The following ANKMY1 variants were observed in gnomAD, a reference collection of about 807,000 sequenced individuals.
The protein encoded by ANKMY1 is ankyrin repeat and MYND domain containing 1, also known as ankyrin repeat and MYND domain-containing protein 1.
Under a neutral mutation model 102.0 loss-of-function variants are expected in ANKMY1, and 98 were observed. That is an observed-to-expected ratio of 0.96 (90% CI 0.82 to 1.14). The LOEUF is 1.14. ANKMY1 is among the 50% of genes most tolerant of loss of function. The pLI is 0.00. For synonymous variants in ANKMY1, 582 were observed against 559.9 expected (o/e 1.04, Z -0.56); for missense variants, 1,330 against 1,347.6 (o/e 0.99, Z 0.20).
At chr2:240,518,341 T>G (rs912240013) in intron 9 of ANKMY1, among the ~76,000 whole-genome samples, 1 of 152,096 alleles carries the variant, frequency 6.6e-6, no homozygotes, top group Admixed American at 6.5e-5. Context: ...CATGCCTGCC[T>G]CTGGGACCAC....
Position 240,529,225 on chromosome 2 carries a change from C to T in ANKMY1, c.765G>A (p.Leu255=), listed in dbSNP as rs753186761. 3.1e-6 allele frequency: 5 copies of T among 1,614,180 alleles called. No individual in the cohort carries two copies. The highest frequency in any genetic ancestry group is 2.7e-5 in the African/African-American group (2 of 75,036). Residue 255 remains leucine (L), a synonymous_variant, in exon 5 of 18, where the codon CTG becomes CTA. Transcript: ENST00000401804. This position sits in a 1 kb window ranked among gnomAD's most constrained non-coding sequence, Gnocchi z 4.2. The part of the protein sequence containing the change: ...KRFLLNDNLT[L]PPEMYVYSTN... ...TCGAGTAGACATACATTTCTGGAGG[C>T]AGCGTTAGGTTGTCATTCAGAAGAA...
intron 6 of ANKMY1, 63 bp from the exon 7 acceptor site, chr2:240,525,912 C>A: frequency 6.4e-7 from 1 of 1,572,382 alleles, no homozygotes; most frequent in Non-Finnish European, 8.7e-7. Context: ...GGAAGGGTCA[C>A]TGGGTGTCCT....
chr2:240,532,692 G>A (rs917490401), intron 4 of ANKMY1, among the ~76,000 whole-genome samples: 4 of 152,138 alleles, frequency 2.6e-5, no homozygotes, highest in Non-Finnish European at 4.4e-5. Context: ...ATGAGTTTAG[G>A]AGTAAGTTTA....
chr2:240,523,739 C>A, intron 8 of ANKMY1, 146 bp downstream of exon 8: 2 of 1,335,970 alleles, frequency 1.5e-6, no homozygotes, highest in Non-Finnish European at 2.0e-6. Context: ...CGTGGAGCCA[C>A]CGACACAGGG....
At chr2:240,504,879 C>T (rs1447253418) in intron 13 of ANKMY1, among the ~76,000 whole-genome samples, 10 of 151,864 alleles carry the variant, frequency 6.6e-5, no homozygotes, top group African/African-American at 2.2e-4. Context: ...TGGTGGTGGG[C>T]GCCTGTAATC....
At chr2:240,486,731 C>A (rs2076102687) in intron 15 of ANKMY1, among the ~76,000 whole-genome samples, 1 of 152,144 alleles carries the variant, frequency 6.6e-6, no homozygotes, top group South Asian at 2.1e-4. Flanking sequence ...CCAGGCTGGT[C>A]TCAATCTCCT....
chr2:240,557,473 C>G, intron 1 of ANKMY1, 121 bp from the exon 2 acceptor site: 1 of 1,203,716 alleles, frequency 8.3e-7, no homozygotes, highest in Non-Finnish European at 1.1e-6. Context: ...CCCTGAACCG[C>G]GCCGGAGCCT....
At chr2:240,512,226 C>T (rs1391856499) in intron 10 of ANKMY1, among the ~76,000 whole-genome samples, 2 of 152,252 alleles carry the variant, frequency 1.3e-5, no homozygotes, top group Non-Finnish European at 2.9e-5. Flanking sequence ...GCCCTCCCCT[C>T]CCACGTCCCC....
In ANKMY1 at chr2:240,526,392, C is replaced by T. The variant is rs142461924; in HGVS notation, c.1007G>A (p.Arg336His). 122 of 1,614,100 alleles carry T rather than the reference C, an allele frequency of 7.6e-5. No homozygotes were observed. Among genetic ancestry groups the T allele is most frequent in the South Asian group, 1.3e-4 (12 of 91,092 alleles). The change falls in exon 6 of 18, where the codon CGC becomes CAC. Residue 336 changes from arginine to histidine, a missense_variant. Physicochemically the swap from Arg to His is conservative, Grantham distance 29. Coordinates refer to ENST00000401804, the MANE Select transcript of ANKMY1 (RefSeq NM_001282771.3). ...WNMGAILEGK[R>H]SGFAPCGPKE... Reference sequence around the variant, plus strand: ...GGGCCCACAGGGTGCAAAGCCACTGCGCTTCCCCTCCAGGATGGCGCCCAT... The same window carrying T: ...GGGCCCACAGGGTGCAAAGCCACTGTGCTTCCCCTCCAGGATGGCGCCCAT...
chr2:240,472,149 C>T, the ANKMY1 span, among the ~76,000 whole-genome samples: 2 of 152,228 alleles, frequency 1.3e-5, no homozygotes, highest in African/African-American at 4.8e-5. Flanking sequence ...TCCCCAGTCA[C>T]AGTCCTGGAG....
chr2:240,482,045 C>T, intron 16 of ANKMY1, 138 bp downstream of exon 16: 2 of 913,578 alleles, frequency 2.2e-6, no homozygotes, highest in Non-Finnish European at 3.4e-6. Context: ...AGCAGGACTT[C>T]CTAGAGGAGG....
In ANKMY1 at chr2:240,506,595, G is replaced by A. The variant is rs531417169; in HGVS notation, c.2526+965C>T. Among the ~76,000 whole-genome samples the A allele has an allele frequency of 2.0e-5, 3 of 151,888 alleles. No individual in the cohort carries two copies. The highest frequency in any genetic ancestry group is 6.5e-5 in the Admixed American group (1 of 15,276). On this transcript the variant is annotated intron_variant, in intron 13 of 17. Transcript: ENST00000401804. This position sits in a 1 kb window ranked among gnomAD's most constrained non-coding sequence, Gnocchi z 4.9. ...ACAACCTTCCAGACGCCTGAGTCTC[G>A]CCCTTCCCCTTCCAAATGCCTGGGT... is the stretch of plus-strand genomic sequence containing the variant.
intron 13 of ANKMY1, among the ~76,000 whole-genome samples, chr2:240,504,744 C>T (rs1215670132): frequency 1.3e-5 from 2 of 151,980 alleles, no homozygotes; most frequent in African/African-American, 4.8e-5. Context: ...TGGTGGCTCA[C>T]GCCTGTAATC....
At chr2:240,501,480 G>A (rs1432581328) in intron 13 of ANKMY1, among the ~76,000 whole-genome samples, 2 of 152,170 alleles carry the variant, frequency 1.3e-5, no homozygotes, top group Admixed American at 6.5e-5. Context: ...GGCAGGCTCA[G>A]GGCAGCCTGT....
downstream of ANKMY1, among the ~76,000 whole-genome samples, chr2:240,477,056 C>T (rs983676227): frequency 7.9e-5 from 12 of 152,218 alleles, no homozygotes; most frequent in Admixed American, 2.6e-4. Flanking sequence ...CAGTGGCTCA[C>T]GCCTGTAATC....
At chr2:240,473,986 A>G in the ANKMY1 span, among the ~76,000 whole-genome samples, 1 of 152,234 alleles carries the variant, frequency 6.6e-6, no homozygotes, top group Non-Finnish European at 1.5e-5. Flanking sequence ...CACCACTTCT[A>G]TTTAATGTGT....
At chr2:240,484,917 C>G (rs149252585) in intron 15 of ANKMY1, among the ~76,000 whole-genome samples, 23,941 of 152,082 alleles carry the variant, frequency 0.16, 2,527 homozygotes, top group African/African-American at 0.28. Flanking sequence ...TCTCAAAAGA[C>G]GACATTTATG....
At chr2:240,475,574 C>G (rs1182371070), downstream of ANKMY1, among the ~76,000 whole-genome samples, 1 of 151,410 alleles carries the variant, frequency 6.6e-6, no homozygotes, top group Non-Finnish European at 1.5e-5. Flanking sequence ...GGTAAAGGAT[C>G]CTCACTTAAA....
At chr2:240,560,851 C>T, upstream of ANKMY1, 1 of 1,391,762 alleles carries the variant, frequency 7.2e-7, no homozygotes, top group Non-Finnish European at 9.2e-7. Context: ...CGCCAGCAGC[C>T]CGGCCCGCGC....
Sources: gnomAD v4.1 joint callset for allele counts (sites outside exome capture counted in the v4.1 genomes callset) on GRCh38, gnomAD v4.1.1 for gene constraint, Gnocchi (gnomAD v3.1) non-coding constraint, MANE v1.5 for transcripts, NCBI Gene and HGNC (gene_info 2026-07-23, HGNC 2026-07-21) for gene names.